Variants in CMC2 observed in about 807,000 individuals in gnomAD.
The protein encoded by CMC2 is C-X9-C motif containing 2.
CMC2 carries 5 observed loss-of-function variants against 7.5 expected under a neutral mutation model. That is an observed-to-expected ratio of 0.66 (90% CI 0.35 to 1.40). The LOEUF is 1.40. CMC2 is among the 40% of genes most tolerant of loss of function. The pLI is 0.04. For missense variants in CMC2, 115 were observed against 92.3 expected (o/e 1.25, Z -1.01); for synonymous variants, 37 against 31.4 (o/e 1.18, Z -0.60).
chr16:81,004,947 T>A (rs1198968218), intron 1 of CMC2, among the ~76,000 whole-genome samples: 5 of 152,242 alleles, frequency 3.3e-5, no homozygotes, highest in African/African-American at 1.2e-4. Context: ...CCCTGTATTT[T>A]AATGCCAGTT....
chr16:80,981,856 CA>C lies in CMC2; in HGVS notation c.102del (p.Phe34LeufsTer11). ...CHKNHNILKFFGYCNDVDREL... is the reference protein window; with the variant it reads ...CHKNHNILKFXGYCNDVDREL... ...TCCCGATCAACATCATTACAATAAC[CA>C]AAAAATTTCAGAATGTTGTGCTAAA... On this transcript the variant is annotated frameshift_variant, in exon 3 of 4. Coordinates refer to ENST00000219400, the MANE Select transcript of CMC2 (RefSeq NM_020188.5). LOFTEE classifies it high-confidence loss of function. 1 of 1,608,276 alleles carries C rather than the reference CA, an allele frequency of 6.2e-7. No homozygotes were observed. Among genetic ancestry groups the C allele is most frequent in the Non-Finnish European group, 8.5e-7 (1 of 1,176,434 alleles).
intron 2 of CMC2, among the ~76,000 whole-genome samples, chr16:80,994,662 A>G (rs967677944): frequency 2.6e-5 from 4 of 152,248 alleles, no homozygotes; most frequent in African/African-American, 4.8e-5. Context: ...ACATATCCAC[A>G]CAATGGCTGA....
intron 1 of CMC2, chr16:80,998,761 G>C (rs1028908464): frequency 6.6e-6 from 1 of 152,136 alleles, no homozygotes; most frequent in African/African-American, 2.4e-5. Context: ...AATGAAATAA[G>C]CCAGTCAAAA....
chr16:80,999,985 C>T lies in CMC2; in HGVS notation c.-35-2556G>A, dbSNP rs1024121639. ...CAGGAAACACCATTCTGGACATTCA[C>T]CTTCGGAAGAGAATTAGGACTAAGT... On this transcript the variant is annotated intron_variant, in intron 1 of 3. Coordinates refer to ENST00000219400, the MANE Select transcript of CMC2 (RefSeq NM_020188.5). Among the ~76,000 whole-genome samples, 2 of 152,118 alleles carry T rather than the reference C, an allele frequency of 1.3e-5. 1 individual carries two copies. The highest frequency in any genetic ancestry group is 4.8e-5 in the African/African-American group (2 of 41,422).
rs1311417032 is a variant in CMC2 at position 80,975,311 on chromosome 16, G to C, written c.*782C>G. 6.6e-6 allele frequency: 1 copy of C among 152,204 alleles called. No individual in the cohort carries two copies. Among genetic ancestry groups the C allele is most frequent in the Non-Finnish European group, 1.5e-5 (1 of 68,050 alleles). 9.4% of individuals were successfully genotyped at this position (152,204 alleles called of 1,614,324 possible). On this transcript the variant is annotated 3_prime_UTR_variant, in exon 4 of 4. Coordinates refer to ENST00000219400, the MANE Select transcript of CMC2 (RefSeq NM_020188.5). ...CCAGATGAAATTTTATCAATGTTAA[G>C]TGTAAATATTTAATCTTTTAGTCTG...
intron 2 of CMC2, among the ~76,000 whole-genome samples, chr16:80,990,021 T>C (rs1276015151): frequency 6.6e-6 from 1 of 152,236 alleles, no homozygotes; most frequent in African/African-American, 2.4e-5. Flanking sequence ...AGATGACTCA[T>C]TTCAAGTAAG....
In CMC2 at chr16:80,989,780, C is replaced by A. The variant is rs1418853635; in HGVS notation, c.81+7534G>T. Among the ~76,000 whole-genome samples the A allele has an allele frequency of 2.6e-5, 4 of 152,218 alleles. No homozygotes were observed. In the East Asian group the frequency reaches 7.7e-4, roughly 29 times the overall value. On this transcript the variant is annotated intron_variant, in intron 2 of 3. Transcript: ENST00000219400. ...AATTCCAATCCAACATCACAGGATA[C>A]ATCCTAGTCTTTCCACTTCTATATT... is the stretch of plus-strand genomic sequence containing the variant.
intron 3 of CMC2, among the ~76,000 whole-genome samples, chr16:80,977,556 G>C (rs1029250484): frequency 2.0e-5 from 3 of 152,170 alleles, no homozygotes; most frequent in Admixed American, 1.3e-4. Flanking sequence ...TTAAAGATTA[G>C]TGATACCGAG....
rs1005292021 is a variant in CMC2 at position 80,970,876 on chromosome 16, C to T, written c.*5217G>A. On this transcript the variant is annotated 3_prime_UTR_variant, in exon 4 of 4. Coordinates refer to ENST00000219400, the MANE Select transcript of CMC2 (RefSeq NM_020188.5). ...ATTAGAATAAGTAATTTTAAAAATA[C>T]CCCTTAGACACAAATCTAGCAAAAG... The T allele has an allele frequency of 6.6e-6, 1 of 152,074 alleles. No homozygotes were observed. The highest frequency in any genetic ancestry group is 1.9e-4 in the East Asian group (1 of 5,188). The allele number at this position is 152,074 out of a possible 1,614,324, so 9.4% of individuals were successfully genotyped here.
intron 1 of CMC2, among the ~76,000 whole-genome samples, chr16:81,003,477 A>T (rs1259859713): frequency 1.3e-5 from 2 of 152,228 alleles, no homozygotes; most frequent in African/African-American, 4.8e-5. Flanking sequence ...GTCTTTTTAT[A>T]GGTCAAAATA....
At chr16:80,999,449 T>C (rs577430623) in intron 1 of CMC2, among the ~76,000 whole-genome samples, 4 of 152,344 alleles carry the variant, frequency 2.6e-5, no homozygotes, top group South Asian at 4.1e-4. Flanking sequence ...TCCGTGCTCA[T>C]GGATTGGGAG....
Position 80,975,893 on chromosome 16 carries a change from G to C in CMC2, c.*200C>G, listed in dbSNP as rs940192058. On this transcript the variant is annotated 3_prime_UTR_variant, in exon 4 of 4. Transcript: ENST00000219400. Reference sequence around the variant, plus strand: ...TAAACATGGTGAAGTCAGGTTTGCTGGTAAAGGGGAGACAGTACTAAACGC... The same window carrying C: ...TAAACATGGTGAAGTCAGGTTTGCTCGTAAAGGGGAGACAGTACTAAACGC... 14 of 476,696 alleles carry C rather than the reference G, an allele frequency of 2.9e-5. No homozygotes were observed. The highest frequency in any genetic ancestry group is 2.2e-4 in the African/African-American group (11 of 49,364). The allele number at this position is 476,696 out of a possible 1,614,324, so 29.5% of individuals were successfully genotyped here. A position where few individuals can be genotyped will look rare whatever the true frequency, so the allele number is the denominator to read the frequency against.
At chr16:80,979,092 A>AT (rs1469727556) in intron 3 of CMC2, among the ~76,000 whole-genome samples, 15 of 151,534 alleles carry the variant, frequency 9.9e-5, no homozygotes, top group African/African-American at 3.7e-4. Flanking sequence ...AAAAATAAAA[A>AT]AATAAAAAAG....
At chr16:81,000,988 T>C (rs1203113987) in intron 1 of CMC2, among the ~76,000 whole-genome samples, 1 of 152,196 alleles carries the variant, frequency 6.6e-6, no homozygotes, top group Non-Finnish European at 1.5e-5. Context: ...AATATGTACA[T>C]ATACACCATG....
chr16:80,982,787 T>C (rs1967226029), intron 2 of CMC2: 4 of 153,030 alleles, frequency 2.6e-5, no homozygotes, highest in African/African-American at 9.7e-5. Flanking sequence ...ACACTACAAT[T>C]ATCCACTTAT....
chr16:81,006,351 A>AT (rs1321736646), intron 1 of CMC2: 1 of 152,262 alleles, frequency 6.6e-6, no homozygotes, highest in Non-Finnish European at 1.5e-5. Flanking sequence ...ACAACACTTT[A>AT]TTGGGCGCTC....
chr16:81,001,034 G>A (rs1423861625), intron 1 of CMC2, among the ~76,000 whole-genome samples: 1 of 152,158 alleles, frequency 6.6e-6, no homozygotes, highest in Non-Finnish European at 1.5e-5. Context: ...ACGAAATTAT[G>A]TCCTTTGCAG....
rs1336518514 is a variant in CMC2, at chr16:80,968,737, G to A, written c.*7356C>T. The A allele has an allele frequency of 6.6e-6, 1 of 152,158 alleles. No individual in the cohort carries two copies. Among genetic ancestry groups the A allele is most frequent in the Non-Finnish European group, 1.5e-5 (1 of 68,040 alleles). 9.4% of individuals were successfully genotyped at this position (152,158 alleles called of 1,614,324 possible). Reference sequence around the variant, plus strand: ...AAATATAGTTTTTAAAGGTGTAGTTGAGCTCACAAGAAAGGAAAGAAAATC... The same window carrying A: ...AAATATAGTTTTTAAAGGTGTAGTTAAGCTCACAAGAAAGGAAAGAAAATC... On this transcript the variant is annotated 3_prime_UTR_variant, in exon 4 of 4. Transcript: ENST00000219400.
chr16:80,992,936 T>C (rs548236605), intron 2 of CMC2, among the ~76,000 whole-genome samples: 21 of 152,264 alleles, frequency 1.4e-4, no homozygotes, highest in African/African-American at 4.6e-4. Flanking sequence ...AAACGATCCT[T>C]TATCAATCTT....
Sources: gnomAD v4.1 joint callset for allele counts (sites outside exome capture counted in the v4.1 genomes callset) on GRCh38, gnomAD v4.1.1 for gene constraint, MANE v1.5 for transcripts, NCBI Gene and HGNC (gene_info 2026-07-23, HGNC 2026-07-21) for gene names.